The following SAG variants were observed in gnomAD, a reference collection of about 807,000 sequenced individuals.
SAG encodes S-antigen visual arrestin.
In SAG, 45 loss-of-function variants were observed where a neutral mutation model predicts 55.0. The ratio of observed to expected loss-of-function variants is 0.82; its 90% CI spans 0.64 to 1.05. SAG has a LOEUF of 1.05. Among genes scored for constraint, SAG ranks in the 50% least tolerant of loss-of-function variants. SAG has a pLI of 0.00. For synonymous variants in SAG, 189 were observed against 197.4 expected (o/e 0.96, Z 0.36); for missense variants, 455 against 512.1 (o/e 0.89, Z 1.08).
chr2:233,318,982 T>C (rs1482469344), intron 4 of SAG, 187 bp downstream of exon 4: 9 of 721,834 alleles, frequency 1.2e-5, no homozygotes, highest in Non-Finnish European at 2.3e-5. Context: ...ATAGGTCCTG[T>C]TGACACCAGA....
chr2:233,330,675 CGT>C (rs2125339583), intron 9 of SAG, among the ~76,000 whole-genome samples: 1 of 151,968 alleles, frequency 6.6e-6, no homozygotes, highest in African/African-American at 2.4e-5. Context: ...GGATTACAGG[CGT>C]GCACCAATTT....
At chr2:233,328,890 C>G in intron 8 of SAG, 1 of 391,596 alleles carries the variant, frequency 2.6e-6, no homozygotes, top group Admixed American at 4.3e-5. Context: ...CACATACCTG[C>G]CCCCCAGCTG....
rs1701061241 is a variant in SAG at position 233,340,394 on chromosome 2, T to C, written c.1023-61T>C. The C allele has an allele frequency of 4.0e-6, 6 of 1,511,038 alleles. No homozygotes were observed. The highest frequency in any genetic ancestry group is 5.5e-6 in the Non-Finnish European group (6 of 1,093,676). 93.6% of individuals were successfully genotyped at this position (1,511,038 alleles called of 1,614,324 possible). ...TGGGCTGTGTCCTGCCTCTGAATCA[T>C]GGGAAAGGGTCGTGTTACCACTGTG... On this transcript the variant is annotated intron_variant, in intron 12 of 15. Transcript: ENST00000409110. This position sits in a 1 kb window ranked among gnomAD's most constrained non-coding sequence, Gnocchi z 4.2.
At chr2:233,334,875 C>T (rs1700872089) in intron 10 of SAG, 87 bp from the exon 11 acceptor site, 6 of 1,529,680 alleles carry the variant, frequency 3.9e-6, no homozygotes, top group Non-Finnish European at 5.4e-6. Context: ...GATGTGGATC[C>T]TGGAAAATGC....
At chr2:233,346,752 C>T in intron 15 of SAG, 55 bp from the exon 16 acceptor site, 2 of 1,159,798 alleles carry the variant, frequency 1.7e-6, no homozygotes, top group Non-Finnish European at 2.5e-6. Context: ...GATCTTGTTT[C>T]AGTTTCAGCT....
intron 9 of SAG, among the ~76,000 whole-genome samples, chr2:233,330,209 A>C (rs2125338690): frequency 6.6e-6 from 1 of 152,328 alleles, no homozygotes; most frequent in Middle Eastern, 3.4e-3. Context: ...TGATGGAATG[A>C]CCTGTGAGGG....
intron 5 of SAG, 120 bp from the exon 6 acceptor site, chr2:233,322,826 A>C: frequency 1.5e-6 from 1 of 685,030 alleles, no homozygotes; most frequent in Non-Finnish European, 2.5e-6. Flanking sequence ...GTATAGGTGA[A>C]TGTGATTTTT....
intron 11 of SAG, among the ~76,000 whole-genome samples, chr2:233,336,516 A>C (rs999832591): frequency 7.9e-6 from 1 of 126,348 alleles, no homozygotes; most frequent in Non-Finnish European, 1.7e-5. Context: ...TCCATCTCAG[A>C]AAAAAAAAAA....
At position 233,327,464 on chromosome 2, in the gene SAG, G is replaced by GTTGTTTGT. The variant is rs149932084; in HGVS notation, c.512+286_512+293dup. On this transcript the variant is annotated intron_variant, in intron 7 of 15. Coordinates refer to ENST00000409110, the MANE Select transcript of SAG (RefSeq NM_000541.5). ...TCCCCTTTGTTGAAGTTTTGTTGTT[G>GTTGTTTGT]TTGTTTGTTTGTTTGTTTGTTTGTT... 3.2e-3 allele frequency: 1,082 copies of GTTGTTTGT among 338,142 alleles called. 2 individuals carry two copies. The highest frequency in any genetic ancestry group is 5.1e-3 in the Non-Finnish European group (930 of 183,892). 20.9% of individuals were successfully genotyped at this position (338,142 alleles called of 1,614,324 possible). A position where few individuals can be genotyped will look rare whatever the true frequency, so the allele number is the denominator to read the frequency against.
intron 12 of SAG, among the ~76,000 whole-genome samples, chr2:233,339,368 A>C (rs967516514): frequency 1.3e-5 from 2 of 152,196 alleles, no homozygotes; most frequent in Non-Finnish European, 2.9e-5. Flanking sequence ...CTGGCCTTTT[A>C]CCTGGATGAG....
chr2:233,321,369 G>A (rs1700376189), intron 5 of SAG, among the ~76,000 whole-genome samples: 1 of 152,154 alleles, frequency 6.6e-6, no homozygotes, highest in Non-Finnish European at 1.5e-5. Flanking sequence ...TCTGCTTTAC[G>A]AGCATGTTTA....
rs767659517 is a variant in SAG at position 233,346,933 on chromosome 2, G to A, written c.*21G>A. The A allele has an allele frequency of 2.8e-5, 41 of 1,445,100 alleles. No individual in the cohort carries two copies. The highest frequency in any genetic ancestry group is 4.6e-5 in the East Asian group (2 of 43,624). 89.5% of individuals were successfully genotyped at this position (1,445,100 alleles called of 1,614,324 possible). On this transcript the variant is annotated 3_prime_UTR_variant, in exon 16 of 16. Transcript: ENST00000409110. ...AGTGAAGATGTCGGCTCAGGATGCCGGAAAATGACCTGTAGTTACCAGTGC... is the reference window on the plus strand; with the variant it reads ...AGTGAAGATGTCGGCTCAGGATGCCAGAAAATGACCTGTAGTTACCAGTGC...
rs145796660 is a variant in SAG at position 233,320,251 on chromosome 2, T to C, written c.182-379T>C. ...CTCTGCATCTTACCTTCTTCCTTCA[T>C]TCGTCCAGACATCCTGCCCTCTAGA... On this transcript the variant is annotated intron_variant, in intron 4 of 15. Coordinates refer to ENST00000409110, the MANE Select transcript of SAG (RefSeq NM_000541.5). Among the ~76,000 whole-genome samples the C allele has an allele frequency of 2.5e-3, 374 of 152,294 alleles. 2 individuals are homozygous for C. The highest frequency in any genetic ancestry group is 4.3e-3 in the Admixed American group (66 of 15,290).
chr2:233,346,568 C>T (rs909118164), intron 15 of SAG, among the ~76,000 whole-genome samples, 156 bp downstream of exon 15: 4 of 152,216 alleles, frequency 2.6e-5, no homozygotes, highest in South Asian at 2.1e-4. Context: ...CTAGTGCTTA[C>T]GGCACGCACG....
intron 10 of SAG, 167 bp downstream of exon 10, chr2:233,331,879 C>A: frequency 1.5e-6 from 1 of 647,238 alleles, no homozygotes; most frequent in Admixed American, 2.4e-5. Flanking sequence ...AGCATCTTAG[C>A]TCTGCATCTA....
At chr2:233,331,757 C>A in intron 10 of SAG, 45 bp downstream of exon 10, 1 of 1,408,866 alleles carries the variant, frequency 7.1e-7, no homozygotes, top group Non-Finnish European at 1.0e-6. Flanking sequence ...TCTCAGCCTT[C>A]TGTGTCAAGT....
Position 233,328,617 on chromosome 2 carries a change from A to AGGGTCGAAG in SAG, c.648+4_648+5insGGGTCGAAG. The AGGGTCGAAG allele has an allele frequency of 1.2e-6, 2 of 1,606,688 alleles. No homozygotes were observed. The highest frequency in any genetic ancestry group is 1.7e-6 in the Non-Finnish European group (2 of 1,174,954). ...TGCGGTCTCTCTCAACAAAGAGGTA[A>AGGGTCGAAG]CCACCTACCATCGCTACTACCCGCA... On this transcript the variant is annotated splice_donor_region_variant and intron_variant, in intron 8 of 15. Coordinates refer to ENST00000409110, the MANE Select transcript of SAG (RefSeq NM_000541.5).
chr2:233,312,331 G>T (rs1006479047), intron 2 of SAG, among the ~76,000 whole-genome samples: 1 of 152,052 alleles, frequency 6.6e-6, no homozygotes, highest in Admixed American at 6.6e-5. Flanking sequence ...TGCCTAACTG[G>T]TTCTCCCCTT....
At position 233,329,533 on chromosome 2, in the gene SAG, T is replaced by C; in HGVS notation, c.689T>C (p.Val230Ala). The C allele has an allele frequency of 6.2e-7, 1 of 1,613,636 alleles. No homozygotes were observed. Among genetic ancestry groups the C allele is most frequent in the Non-Finnish European group, 8.5e-7 (1 of 1,179,572 alleles). ...HGEPIPVTVT[V>A]TNNTEKTVKK... ...GAGCCCATCCCTGTGACCGTGACTG[T>C]CACCAATAACACAGAGAAGACCGTG... The change falls in exon 9 of 16, where the codon GTC (valine) becomes GCC (alanine). Residue 230 changes from valine (V) to alanine (A), a missense_variant. Coordinates refer to ENST00000409110, the MANE Select transcript of SAG (RefSeq NM_000541.5).
Sources: gnomAD v4.1 joint callset for allele counts (sites outside exome capture counted in the v4.1 genomes callset) on GRCh38, gnomAD v4.1.1 for gene constraint, Gnocchi (gnomAD v3.1) non-coding constraint, MANE v1.5 for transcripts, NCBI Gene and HGNC (gene_info 2026-07-23, HGNC 2026-07-21) for gene names.